ADH7: variants seen among roughly 807,000 people sequenced by gnomAD.
ADH7 encodes all-trans-retinol dehydrogenase [NAD(+)] ADH7.
ADH7 carries 41 observed loss-of-function variants against 34.4 expected under a neutral mutation model. That is an observed-to-expected ratio of 1.19 (90% CI 0.93 to 1.55). ADH7 has a LOEUF of 1.55. ADH7 is among the 40% of genes most tolerant of loss of function. The pLI, the probability that ADH7 is intolerant of heterozygous loss-of-function variation, is 0.00. For synonymous variants in ADH7, 180 were observed against 160.9 expected (o/e 1.12, Z -0.90); for missense variants, 540 against 461.2 (o/e 1.17, Z -1.56).
rs1454406974 is a variant in ADH7 at position 99,412,928 on chromosome 4, A to T, written c.*220T>A. 1 of 437,978 alleles carries T rather than the reference A, an allele frequency of 2.3e-6. No individual in the cohort carries two copies. The highest frequency in any genetic ancestry group is 2.0e-5 in the African/African-American group (1 of 48,966). 27.1% of individuals were successfully genotyped at this position (437,978 alleles called of 1,614,324 possible). On this transcript the variant is annotated 3_prime_UTR_variant, in exon 9 of 9. Coordinates refer to ENST00000437033, the MANE Select transcript of ADH7 (RefSeq NM_000673.7). ...ACAATTATAGCCTTACAAAATGTAA[A>T]TCAAAAATATTAACATTGTTATTAT...
chr4:99,428,115 G>C lies in ADH7; in HGVS notation c.319C>G (p.Pro107Ala). The C allele has an allele frequency of 1.2e-6, 2 of 1,613,952 alleles. No homozygotes were observed. Among genetic ancestry groups the C allele is most frequent in the Non-Finnish European group, 1.7e-6 (2 of 1,179,904 alleles). ...QCRECNACRN[P>A]DGNLCIRSDI... Reference sequence around the variant, plus strand: ...CTCCTAATGCAAAGGTTGCCATCTGGGTTGCGACAAGCATTGCATTCTCTA... The same window carrying C: ...CTCCTAATGCAAAGGTTGCCATCTGCGTTGCGACAAGCATTGCATTCTCTA... The change falls in exon 4 of 9, where the codon CCA (proline) becomes GCA (alanine). Residue 107 changes from proline (P) to alanine (A), a missense_variant. Pro to Ala is a conservative substitution (Grantham distance 27). Transcript: ENST00000437033.
chr4:99,424,606 G>T (rs1721756406), intron 5 of ADH7, among the ~76,000 whole-genome samples: 1 of 152,180 alleles, frequency 6.6e-6, no homozygotes, highest in African/African-American at 2.4e-5. Context: ...TCCCTTGTAA[G>T]TTGGATTCCT....
Position 99,428,481 on chromosome 4 carries a change from C to T in ADH7, c.259+11G>A. Reference sequence around the variant, plus strand: ...ATTATTTCAAACTTGTGGTTTGACACCTGCATATACCTGGTTTCACTGTAG... The same window carrying T: ...ATTATTTCAAACTTGTGGTTTGACATCTGCATATACCTGGTTTCACTGTAG... On this transcript the variant is annotated intron_variant, in intron 3 of 8. Transcript: ENST00000437033. 6.2e-7 allele frequency: 1 copy of T among 1,606,136 alleles called. No individual in the cohort carries two copies. Among genetic ancestry groups the T allele is most frequent in the Non-Finnish European group, 8.5e-7 (1 of 1,177,896 alleles).
At position 99,435,196 on chromosome 4, in the gene ADH7, G is replaced by T. The variant is rs757753888; in HGVS notation, c.18+20C>A. ...CATCATTAGGTCATGATGAGGAGGG[G>T]ACAGAAATGTTCCACTTACTTTTCC... On this transcript the variant is annotated intron_variant, in intron 1 of 8. Transcript: ENST00000437033. The T allele has an allele frequency of 1.1e-5, 18 of 1,611,558 alleles. No individual in the cohort carries two copies. In the Middle Eastern group the frequency reaches 4.9e-4, roughly 44 times the overall value.
intron 5 of ADH7, 55 bp downstream of exon 5, chr4:99,427,718 A>C (rs374226535): frequency 9.3e-6 from 12 of 1,287,368 alleles, no homozygotes; most frequent in East Asian, 5.2e-5. Flanking sequence ...ATTCCAAGCA[A>C]ATCATTTAAG....
chr4:99,426,097 A>G (rs1014829358), intron 5 of ADH7, among the ~76,000 whole-genome samples: 1 of 152,216 alleles, frequency 6.6e-6, no homozygotes, highest in East Asian at 1.9e-4. Flanking sequence ...AATGCCCACA[A>G]GAGAAAGCAG....
At chr4:99,422,735 C>A (rs780518440) in intron 5 of ADH7, among the ~76,000 whole-genome samples, 13 of 151,228 alleles carry the variant, frequency 8.6e-5, no homozygotes, top group Non-Finnish European at 1.8e-4. Context: ...AAAATTAAAT[C>A]TAGAAACTTC....
intron 1 of ADH7, 81 bp downstream of exon 1, chr4:99,435,135 A>C (rs935876150): frequency 3.2e-6 from 5 of 1,566,980 alleles, no homozygotes; most frequent in Non-Finnish European, 4.3e-6. Flanking sequence ...GTGTTTAATT[A>C]CTTTAATGGA....
chr4:99,415,336 TA>T, intron 8 of ADH7, 141 bp downstream of exon 8: 1 of 901,270 alleles, frequency 1.1e-6, no homozygotes, highest in African/African-American at 1.7e-5. Flanking sequence ...ATGCAGTGGG[TA>T]AAGAGAAGTA....
At chr4:99,429,442 C>G in intron 2 of ADH7, 90 bp downstream of exon 2, 1 of 857,964 alleles carries the variant, frequency 1.2e-6, no homozygotes, top group Admixed American at 2.6e-5. Flanking sequence ...GAAGCATCTC[C>G]TTATTTAAGA....
At chr4:99,427,651 G>C (rs972457039) in intron 5 of ADH7, 122 bp downstream of exon 5, 64 of 626,956 alleles carry the variant, frequency 1.0e-4, no homozygotes, top group Non-Finnish European at 1.3e-4. Flanking sequence ...TTGCTTGGCA[G>C]CCTGAATATG....
chr4:99,422,911 T>C (rs894489667), intron 5 of ADH7, among the ~76,000 whole-genome samples: 9 of 149,038 alleles, frequency 6.0e-5, no homozygotes, highest in Non-Finnish European at 1.0e-4. Context: ...AGTTTTAGGG[T>C]ACATGTGCAC....
chr4:99,416,803 T>A (rs1721529088), intron 7 of ADH7, among the ~76,000 whole-genome samples: 1 of 152,126 alleles, frequency 6.6e-6, no homozygotes, highest in Non-Finnish European at 1.5e-5. Flanking sequence ...TTCAGGTATC[T>A]CACAGGTACC....
At chr4:99,413,902 G>T (rs1278274718) in intron 8 of ADH7, among the ~76,000 whole-genome samples, 1 of 152,158 alleles carries the variant, frequency 6.6e-6, no homozygotes, top group East Asian at 1.9e-4. Context: ...TGATGCTATG[G>T]CTTCTCATCT....
Position 99,413,137 on chromosome 4 carries a change from C to G in ADH7, c.*11G>C. The G allele has an allele frequency of 1.9e-6, 3 of 1,613,536 alleles. No individual in the cohort carries two copies. Among genetic ancestry groups the G allele is most frequent in the Non-Finnish European group, 2.5e-6 (3 of 1,179,606 alleles). On this transcript the variant is annotated 3_prime_UTR_variant, in exon 9 of 9. Coordinates refer to ENST00000437033, the MANE Select transcript of ADH7 (RefSeq NM_000673.7). ...CACCATGACAACACAGACCTCCTGC[C>G]ACTTTGGATCTCAAAACGTCAGGAC... is the stretch of plus-strand genomic sequence containing the variant.
intron 8 of ADH7, among the ~76,000 whole-genome samples, chr4:99,413,645 A>C (rs1721457148): frequency 6.6e-6 from 1 of 152,224 alleles, no homozygotes; most frequent in Non-Finnish European, 1.5e-5. Context: ...CCATGCTAAG[A>C]CATTGGCATT....
chr4:99,416,821 G>A (rs571761413), intron 7 of ADH7, among the ~76,000 whole-genome samples: 2 of 152,154 alleles, frequency 1.3e-5, no homozygotes, highest in East Asian at 3.9e-4. Context: ...ACCTGCACAA[G>A]TGTAACCTGC....
chr4:99,433,733 G>A (rs551919250), intron 1 of ADH7, among the ~76,000 whole-genome samples: 5 of 152,180 alleles, frequency 3.3e-5, no homozygotes, highest in Non-Finnish European at 7.4e-5. Flanking sequence ...ACAAGCCAAG[G>A]ACACAGGCCT....
intron 2 of ADH7, 34 bp from the exon 3 acceptor site, chr4:99,428,664 A>C: frequency 6.3e-7 from 1 of 1,597,702 alleles, no homozygotes. Flanking sequence ...GCACCAATCA[A>C]CAAACTGATC....
Sources: allele counts gnomAD v4.1 joint callset (sites outside exome capture counted in the v4.1 genomes callset), GRCh38; gene constraint gnomAD v4.1.1; transcripts MANE v1.5; gene names NCBI Gene and HGNC (gene_info 2026-07-23, HGNC 2026-07-21).